The following LRRC4C variants were observed in gnomAD, a reference collection of about 807,000 sequenced individuals.
LRRC4C encodes the protein leucine rich repeat containing 4C.
In LRRC4C, 5 loss-of-function variants were observed where a neutral mutation model predicts 33.6. That is an observed-to-expected ratio of 0.15 (90% CI 0.08 to 0.31). The LOEUF (loss-of-function observed/expected upper bound fraction) is 0.31, where lower values mean the gene tolerates loss of function less well. LRRC4C is among the 10% of genes least tolerant of loss of function. The probability of loss-of-function intolerance (pLI) is 1.00; values close to 1 mark genes in which losing one functional copy is unlikely to be tolerated. For synonymous variants in LRRC4C, 329 were observed against 302.0 expected (o/e 1.09, Z -0.93); for missense variants, 560 against 796.7 (o/e 0.70, Z 3.58).
intron 1 of LRRC4C, among the ~76,000 whole-genome samples, chr11:41,422,966 A>T (rs1954923380): frequency 6.6e-6 from 1 of 152,092 alleles, no homozygotes; most frequent in Non-Finnish European, 1.5e-5. Context: ...CATCATTGGA[A>T]ATACATTCAT....
chr11:40,921,515 G>A (rs1324667610), intron 2 of LRRC4C, among the ~76,000 whole-genome samples: 1 of 152,082 alleles, frequency 6.6e-6, no homozygotes, highest in African/African-American at 2.4e-5. Flanking sequence ...ACCAAGAAGA[G>A]AATGCAGTCC....
intron 1 of LRRC4C, among the ~76,000 whole-genome samples, chr11:41,088,382 T>C (rs1940158688): frequency 6.6e-6 from 1 of 152,162 alleles, no homozygotes; most frequent in Non-Finnish European, 1.5e-5. Context: ...GTATGTAATA[T>C]GTCTAATGAC....
Position 40,115,960 on chromosome 11 carries a change from A to G in LRRC4C, c.333T>C (p.His111=), listed in dbSNP as rs146075244. The change falls in exon 7 of 7, where the codon CAT becomes CAC. Residue 111 remains histidine, a synonymous_variant. Coordinates refer to ENST00000528697, the MANE Select transcript of LRRC4C (RefSeq NM_001258419.2). This position sits in a 1 kb window ranked among gnomAD's most constrained non-coding sequence, Gnocchi z 6.7. ...AAGCCCCAATTTCAATGGTTCTGAT[A>G]TGGTTCCTACTCAACTGTAGGATTT... is the stretch of plus-strand genomic sequence containing the variant. The part of the protein sequence containing the change: ...HLEILQLSRN[H]IRTIEIGAFN... The G allele has an allele frequency of 1.2e-6, 2 of 1,613,978 alleles. No homozygotes were observed. Among genetic ancestry groups the G allele is most frequent in the Non-Finnish European group, 1.7e-6 (2 of 1,180,026 alleles).
At chr11:41,430,512 A>G (rs1044553910) in intron 1 of LRRC4C, among the ~76,000 whole-genome samples, 1 of 152,126 alleles carries the variant, frequency 6.6e-6, no homozygotes, top group South Asian at 2.1e-4. Flanking sequence ...CAGGAATTCA[A>G]AGGGGATTGT....
chr11:40,327,988 A>G (rs557433720), intron 3 of LRRC4C, among the ~76,000 whole-genome samples: 1 of 152,264 alleles, frequency 6.6e-6, no homozygotes, highest in African/African-American at 2.4e-5. Flanking sequence ...ATGTAAAAAT[A>G]ATATCGTGAT....
rs1217912351 is a variant in LRRC4C, at chr11:41,433,044, GTC to G, written c.-496+26385_-496+26386del. On this transcript the variant is annotated intron_variant, in intron 1 of 6. Coordinates refer to ENST00000528697, the MANE Select transcript of LRRC4C (RefSeq NM_001258419.2). Reference sequence around the variant, plus strand: ...GGGATTCTACAGAAGGTCACCCTGTGTCTTCTCCTCTCAATGCCTCAATAAAA... The same window carrying G: ...GGGATTCTACAGAAGGTCACCCTGTGTTCTCCTCTCAATGCCTCAATAAAA... 3.9e-5 allele frequency among the ~76,000 whole-genome samples: 6 copies of G among 152,256 alleles called. No individual in the cohort carries two copies. In the South Asian group the frequency reaches 1.0e-3, roughly 26 times the overall value.
chr11:40,199,718 AT>A (rs1396350760), intron 5 of LRRC4C, among the ~76,000 whole-genome samples: 2 of 152,056 alleles, frequency 1.3e-5, no homozygotes, highest in African/African-American at 2.4e-5. Context: ...CTGATTATAT[AT>A]TTTTTTAATT....
intron 2 of LRRC4C, among the ~76,000 whole-genome samples, chr11:40,677,558 G>T (rs1245780048): frequency 6.6e-6 from 1 of 152,140 alleles, no homozygotes; most frequent in Admixed American, 6.5e-5. Context: ...AGTAACTAGA[G>T]AAATTTTTTA....
chr11:40,439,976 AC>A (rs1397090117), intron 3 of LRRC4C, among the ~76,000 whole-genome samples: 1 of 152,074 alleles, frequency 6.6e-6, no homozygotes, highest in Non-Finnish European at 1.5e-5. Flanking sequence ...GAATGCAACC[AC>A]CCCAATTTGT....
chr11:40,740,510 G>T (rs1048706826), intron 2 of LRRC4C, among the ~76,000 whole-genome samples: 1 of 151,414 alleles, frequency 6.6e-6, no homozygotes, highest in Non-Finnish European at 1.5e-5. Context: ...TTACTAATGG[G>T]TTGTTTGCAT....
chr11:40,374,407 T>C (rs759847579), intron 3 of LRRC4C, among the ~76,000 whole-genome samples: 10 of 152,206 alleles, frequency 6.6e-5, no homozygotes, highest in Non-Finnish European at 8.8e-5. Flanking sequence ...TTATAGTTCA[T>C]GTGCTCACGT....
chr11:40,403,964 C>A (rs113208663), intron 3 of LRRC4C, among the ~76,000 whole-genome samples: 6 of 152,256 alleles, frequency 3.9e-5, no homozygotes, highest in African/African-American at 1.4e-4. Context: ...TAGATTATTT[C>A]AATAATGACC....
intron 3 of LRRC4C, among the ~76,000 whole-genome samples, chr11:40,470,809 A>C (rs1382434218): frequency 6.6e-6 from 1 of 152,204 alleles, no homozygotes; most frequent in Non-Finnish European, 1.5e-5. Context: ...ACTTAATGAA[A>C]TAAAGCATGA....
chr11:40,169,809 G>C (rs562066974), intron 5 of LRRC4C, among the ~76,000 whole-genome samples: 1 of 152,134 alleles, frequency 6.6e-6, no homozygotes, highest in Non-Finnish European at 1.5e-5. Flanking sequence ...CAATTCACAC[G>C]ATTTCTTATT....
chr11:40,814,836 T>A (rs541477606), intron 2 of LRRC4C, among the ~76,000 whole-genome samples: 1 of 152,142 alleles, frequency 6.6e-6, no homozygotes, highest in South Asian at 2.1e-4. Context: ...AGTTCCTCAT[T>A]TCCATCTGAG....
chr11:40,549,906 T>A (rs956400308), intron 3 of LRRC4C, among the ~76,000 whole-genome samples: 1 of 152,116 alleles, frequency 6.6e-6, no homozygotes, highest in African/African-American at 2.4e-5. Flanking sequence ...GCAAATCATA[T>A]CAGAGCATAA....
rs575287611 is a variant in LRRC4C at position 40,180,796 on chromosome 11, T to C, written c.-95-39943A>G. On this transcript the variant is annotated intron_variant, in intron 5 of 6. Coordinates refer to ENST00000528697, the MANE Select transcript of LRRC4C (RefSeq NM_001258419.2). ...GTGTGTATGCATTCGCTATAGCATATAAGTAAATAGTCATGTACACCTTTG... is the reference window on the plus strand; with the variant it reads ...GTGTGTATGCATTCGCTATAGCATACAAGTAAATAGTCATGTACACCTTTG... 7.5e-4 allele frequency among the ~76,000 whole-genome samples: 114 copies of C among 152,328 alleles called. 2 individuals are homozygous for C. The highest frequency in any genetic ancestry group is 4.4e-5 in the Non-Finnish European group (3 of 68,034).
At chr11:40,309,327 T>C (rs2136734064) in intron 4 of LRRC4C, among the ~76,000 whole-genome samples, 1 of 152,340 alleles carries the variant, frequency 6.6e-6, no homozygotes, top group Non-Finnish European at 1.5e-5. Context: ...CTTGTGTGTC[T>C]GGCTTCTCTC....
intron 1 of LRRC4C, among the ~76,000 whole-genome samples, chr11:41,305,623 GA>G (rs1264501396): frequency 2.9e-5 from 2 of 68,622 alleles, no homozygotes; most frequent in East Asian, 7.7e-4. Context: ...TGTGCTCTCT[GA>G]AACATGTGCT....
Sources: gnomAD v4.1 joint callset for allele counts (sites outside exome capture counted in the v4.1 genomes callset) on GRCh38, gnomAD v4.1.1 for gene constraint, Gnocchi (gnomAD v3.1) non-coding constraint, MANE v1.5 for transcripts, NCBI Gene and HGNC (gene_info 2026-07-23, HGNC 2026-07-21) for gene names.